RPAP2: variants seen among roughly 807,000 people sequenced by gnomAD.
RPAP2 encodes the protein RNA polymerase II associated protein 2.
Under a neutral mutation model 73.1 loss-of-function variants are expected in RPAP2, and 52 were observed. The observed-to-expected ratio is 0.71, with a 90% CI of 0.57 to 0.90. The LOEUF (loss-of-function observed/expected upper bound fraction) is 0.90, where lower values mean the gene tolerates loss of function less well. RPAP2 is among the 40% of genes least tolerant of loss of function. RPAP2 has a pLI of 0.00. For missense variants in RPAP2, 598 were observed against 701.8 expected, an observed-to-expected ratio of 0.85 and a Z score of 1.67; for synonymous variants, 225 against 242.1, an observed-to-expected ratio of 0.93 and a Z score of 0.65.
intron 12 of RPAP2, among the ~76,000 whole-genome samples, chr1:92,384,623 CAAA>C (rs1253563939): frequency 5.0e-5 from 5 of 99,656 alleles, no homozygotes; most frequent in Non-Finnish European, 1.1e-4. Flanking sequence ...AACTCCATCT[CAAA>C]AAAAAAAAAA....
Position 92,400,248 on chromosome 1 carries a change from G to A in RPAP2, c.*13237G>A, listed in dbSNP as rs945855846. 1.3e-5 allele frequency: 2 copies of A among 152,264 alleles called. No individual in the cohort carries two copies. The highest frequency in any genetic ancestry group is 2.9e-5 in the Non-Finnish European group (2 of 68,078). The allele number at this position is 152,264 out of a possible 1,614,324, so 9.4% of individuals were successfully genotyped here. On this transcript the variant is annotated 3_prime_UTR_variant, in exon 13 of 13. Coordinates refer to ENST00000610020, the MANE Select transcript of RPAP2 (RefSeq NM_024813.3). ...CCCCTTCACCCTGGCTTCCTTTGCA[G>A]AACAAGGGTCACCGCCAGAGGGAAA...
At chr1:92,327,405 G>T (rs1557604029) in intron 8 of RPAP2, among the ~76,000 whole-genome samples, 1 of 152,148 alleles carries the variant, frequency 6.6e-6, no homozygotes, top group East Asian at 1.9e-4. Flanking sequence ...TTTTATCATT[G>T]TATAATGTCC....
chr1:92,322,982 TA>T (rs892391506), intron 7 of RPAP2, among the ~76,000 whole-genome samples: 36 of 146,866 alleles, frequency 2.5e-4, no homozygotes, highest in African/African-American at 8.6e-4. Flanking sequence ...AAGTATATAT[TA>T]TATATGTAAA....
rs1439471515 is a variant in RPAP2 at position 92,356,026 on chromosome 1, A to G, written c.1688+10112A>G. On this transcript the variant is annotated intron_variant, in intron 11 of 12. Transcript: ENST00000610020. The stretch of plus-strand genomic sequence containing the variant: ...TGGTAAAGAGCAAAATGAAATGTGT[A>G]AATTAATTTTTTAAATGTTAAAATA... Among the ~76,000 whole-genome samples the G allele has an allele frequency of 3.9e-5, 6 of 152,246 alleles. No homozygotes were observed. In the South Asian group the frequency reaches 1.2e-3, roughly 31 times the overall value.
Position 92,401,596 on chromosome 1 carries a change from C to T in RPAP2, c.*14585C>T, listed in dbSNP as rs567394458. ...TAAGTGGTGAAAGCACATATCCTCC[C>T]CTTGTTCCTAATTTTAGAGGGAAAG... On this transcript the variant is annotated 3_prime_UTR_variant, in exon 13 of 13. Coordinates refer to ENST00000610020, the MANE Select transcript of RPAP2 (RefSeq NM_024813.3). 6.6e-6 allele frequency: 1 copy of T among 152,306 alleles called. No homozygotes were observed. Among genetic ancestry groups the T allele is most frequent in the East Asian group, 1.9e-4 (1 of 5,184 alleles). 9.4% of individuals were successfully genotyped at this position (152,306 alleles called of 1,614,324 possible). A position where few individuals can be genotyped will look rare whatever the true frequency, so the allele number is the denominator to read the frequency against.
intron 11 of RPAP2, among the ~76,000 whole-genome samples, chr1:92,346,364 A>G (rs1245541785): frequency 6.6e-6 from 1 of 151,858 alleles, no homozygotes; most frequent in Non-Finnish European, 1.5e-5. Flanking sequence ...GTGTCTTGCT[A>G]TATTGCCCAG....
Position 92,399,403 on chromosome 1 carries a change from C to A in RPAP2, c.*12392C>A, listed in dbSNP as rs1157968606. 1 of 147,444 alleles carries A rather than the reference C, an allele frequency of 6.8e-6. No homozygotes were observed. Among genetic ancestry groups the A allele is most frequent in the Non-Finnish European group, 1.5e-5 (1 of 67,486 alleles). 9.1% of individuals were successfully genotyped at this position (147,444 alleles called of 1,614,324 possible). A position where few individuals can be genotyped will look rare whatever the true frequency, so the allele number is the denominator to read the frequency against. On this transcript the variant is annotated 3_prime_UTR_variant, in exon 13 of 13. Transcript: ENST00000610020. ...CTTTTCTGGGTGACCCTTCACCCAA[C>A]CAAGCTCATAAGGACTTGTGACAAA...
chr1:92,299,192 C>A (rs1328889627), intron 1 of RPAP2, 46 bp downstream of exon 1: 7 of 1,236,268 alleles, frequency 5.7e-6, no homozygotes, highest in Non-Finnish European at 5.5e-6. Flanking sequence ...GAAAGCTGGG[C>A]CCCGATCTCG....
chr1:92,302,219 G>A (rs758001586), intron 3 of RPAP2, among the ~76,000 whole-genome samples: 1 of 151,940 alleles, frequency 6.6e-6, no homozygotes, highest in African/African-American at 2.4e-5. Context: ...AGACGTTGCA[G>A]TGAGCTGAGA....
intron 10 of RPAP2, among the ~76,000 whole-genome samples, chr1:92,343,878 A>G (rs957144334): frequency 2.6e-5 from 4 of 152,162 alleles, no homozygotes; most frequent in African/African-American, 9.7e-5. Flanking sequence ...CCTTATTGCA[A>G]AGATGACATA....
chr1:92,382,337 A>G (rs1458001499), intron 12 of RPAP2, among the ~76,000 whole-genome samples: 1 of 152,224 alleles, frequency 6.6e-6, no homozygotes, highest in Non-Finnish European at 1.5e-5. Flanking sequence ...TCCCTGAGGA[A>G]TCGCCACACT....
intron 7 of RPAP2, among the ~76,000 whole-genome samples, chr1:92,322,193 G>C (rs1652315171): frequency 1.3e-5 from 2 of 151,434 alleles, no homozygotes; most frequent in African/African-American, 4.8e-5. Flanking sequence ...TGACCCACCT[G>C]CCTTGGCCTC....
chr1:92,340,054 T>C (rs1282628189), intron 10 of RPAP2, among the ~76,000 whole-genome samples: 1 of 152,220 alleles, frequency 6.6e-6, no homozygotes, highest in Non-Finnish European at 1.5e-5. Context: ...CTTTTATATA[T>C]GTTTGAAATT....
Position 92,324,216 on chromosome 1 carries a change from G to A in RPAP2, c.1296G>A (p.Glu432=), listed in dbSNP as rs1056480546. The change falls in exon 8 of 13, where the codon GAG becomes GAA. Residue 432 remains glutamate, a synonymous_variant. Coordinates refer to ENST00000610020, the MANE Select transcript of RPAP2 (RefSeq NM_024813.3). ...AWRESQNSLD[E]SLPFRGSGTA... Reference sequence around the variant, plus strand: ...GGGAATCTCAGAACAGCTTGGATGAGTCTTTACCTTTTAGGGGCTCAGGTA... The same window carrying A: ...GGGAATCTCAGAACAGCTTGGATGAATCTTTACCTTTTAGGGGCTCAGGTA... 4 of 1,614,134 alleles carry A rather than the reference G, an allele frequency of 2.5e-6. No homozygotes were observed. The East Asian group carries it at 6.7e-5, about 27-fold the overall frequency.
Position 92,377,426 on chromosome 1 carries a change from G to A in RPAP2, c.1689-3298G>A, listed in dbSNP as rs139768841. 1.7e-3 allele frequency among the ~76,000 whole-genome samples: 259 copies of A among 149,180 alleles called. 1 individual carries two copies. The highest frequency in any genetic ancestry group is 6.1e-3 in the African/African-American group (248 of 40,506). On this transcript the variant is annotated intron_variant, in intron 11 of 12. Coordinates refer to ENST00000610020, the MANE Select transcript of RPAP2 (RefSeq NM_024813.3). The stretch of plus-strand genomic sequence containing the variant: ...CCAGCTACTCAGGAGGCTGAGGCAG[G>A]ATAATCGCTTGAACCTGGGAGGCGG...
rs1366390043 is a variant in RPAP2 at position 92,394,483 on chromosome 1, T to A, written c.*7472T>A. ...AGAACTTAAAGTATAATAAAAAAAATAATTATTAAATTTTAAAAAACTAGC... is the reference window on the plus strand; with the variant it reads ...AGAACTTAAAGTATAATAAAAAAAAAAATTATTAAATTTTAAAAAACTAGC... On this transcript the variant is annotated 3_prime_UTR_variant, in exon 13 of 13. Coordinates refer to ENST00000610020, the MANE Select transcript of RPAP2 (RefSeq NM_024813.3). 6.6e-6 allele frequency: 1 copy of A among 151,652 alleles called. No homozygotes were observed. Among genetic ancestry groups the A allele is most frequent in the African/African-American group, 2.4e-5 (1 of 41,318 alleles). The allele number at this position is 151,652 out of a possible 1,614,324, so 9.4% of individuals were successfully genotyped here.
At chr1:92,337,828 G>T (rs1653364934) in intron 10 of RPAP2, among the ~76,000 whole-genome samples, 1 of 151,972 alleles carries the variant, frequency 6.6e-6, no homozygotes, top group African/African-American at 2.4e-5. Context: ...TTAAATACAG[G>T]TCTTCAAGGT....
At position 92,398,990 on chromosome 1, in the gene RPAP2, G is replaced by A. The variant is rs1180024929; in HGVS notation, c.*11979G>A. 2 of 152,216 alleles carry A rather than the reference G, an allele frequency of 1.3e-5. No homozygotes were observed. The highest frequency in any genetic ancestry group is 1.3e-4 in the Admixed American group (2 of 15,284). 9.4% of individuals were successfully genotyped at this position (152,216 alleles called of 1,614,324 possible). ...TCTCTAAATGTTCAGGCCTTTGCCT[G>A]TCCTTCCCTCAGCAAAAATACTGTG... On this transcript the variant is annotated 3_prime_UTR_variant, in exon 13 of 13. Transcript: ENST00000610020.
rs1453282838 is a variant in RPAP2, at chr1:92,391,797, TTCC to T, written c.*4789_*4791del. ...AGAAAATCTAGAAGAAATGGATAAA[TTCC>T]TCGACACATACACCCTCCCAAGACT... On this transcript the variant is annotated 3_prime_UTR_variant, in exon 13 of 13. Transcript: ENST00000610020. The T allele has an allele frequency of 6.6e-6, 1 of 152,114 alleles. No homozygotes were observed. The highest frequency in any genetic ancestry group is 2.4e-5 in the African/African-American group (1 of 41,424). The allele number at this position is 152,114 out of a possible 1,614,324, so 9.4% of individuals were successfully genotyped here.
Sources: allele counts gnomAD v4.1 joint callset (sites outside exome capture counted in the v4.1 genomes callset), GRCh38; gene constraint gnomAD v4.1.1; transcripts MANE v1.5; gene names NCBI Gene and HGNC (gene_info 2026-07-23, HGNC 2026-07-21).